The following CATSPERT variants were observed in gnomAD, a reference collection of about 807,000 sequenced individuals.
CATSPERT encodes the protein catsper channel auxiliary subunit tau, also known as cation channel sperm-associated targeting subunit tau.
At chr2:201,576,058 G>A in the CATSPERT span, among the ~76,000 whole-genome samples, 2 of 152,160 alleles carry the variant, frequency 1.3e-5, no homozygotes. Context: ...TTTTTATTAT[G>A]TTGTAGACAA....
the CATSPERT span, chr2:201,604,791 G>A: frequency 1.1e-6 from 1 of 889,724 alleles, no homozygotes; most frequent in Non-Finnish European, 1.7e-6. Context: ...TCTCTAGTAA[G>A]TGTCAGGTCT....
At chr2:201,506,917 T>C in the CATSPERT span, among the ~76,000 whole-genome samples, 16 of 152,332 alleles carry the variant, frequency 1.1e-4, no homozygotes, top group South Asian at 3.3e-3. Context: ...ATTAAAAAAG[T>C]GCTTTCCTAC....
chr2:201,517,642 G>T, the CATSPERT span, among the ~76,000 whole-genome samples: 2 of 152,246 alleles, frequency 1.3e-5, no homozygotes, highest in African/African-American at 4.8e-5. Flanking sequence ...AGAGGGCAGA[G>T]TGGGGGCCAA....
chr2:201,494,786 A>G, the CATSPERT span: 1 of 1,467,150 alleles, frequency 6.8e-7, no homozygotes, highest in South Asian at 1.4e-5. Context: ...AAGGTAAGAC[A>G]TTTGGTAGCA....
At chr2:201,598,066 G>A in the CATSPERT span, among the ~76,000 whole-genome samples, 1 of 152,114 alleles carries the variant, frequency 6.6e-6, no homozygotes, top group Non-Finnish European at 1.5e-5. Flanking sequence ...ACTCCCGCCT[G>A]TATTAATCAT....
At chr2:201,490,377 GA>G in the CATSPERT span, among the ~76,000 whole-genome samples, 3 of 151,914 alleles carry the variant, frequency 2.0e-5, no homozygotes, top group Admixed American at 6.6e-5. Flanking sequence ...TTCGCTATGT[GA>G]AAAAAAACCT....
At chr2:201,611,778 A>G in the CATSPERT span, among the ~76,000 whole-genome samples, 13 of 152,218 alleles carry the variant, frequency 8.5e-5, no homozygotes, top group Admixed American at 6.5e-5. Context: ...TAACAATTAA[A>G]GGATTTTTGA....
At chr2:201,588,420 A>C in the CATSPERT span, among the ~76,000 whole-genome samples, 3 of 151,858 alleles carry the variant, frequency 2.0e-5, no homozygotes, top group Non-Finnish European at 4.4e-5. Flanking sequence ...AGATGCAGAT[A>C]ATGCAGCTAT....
chr2:201,568,704 G>A, the CATSPERT span, among the ~76,000 whole-genome samples: 59 of 152,254 alleles, frequency 3.9e-4, 1 homozygote, highest in South Asian at 0.012. Context: ...CCCTGATGGT[G>A]GCACTAATCT....
At chr2:201,599,131 C>T in the CATSPERT span, among the ~76,000 whole-genome samples, 1 of 152,092 alleles carries the variant, frequency 6.6e-6, no homozygotes, top group Non-Finnish European at 1.5e-5. Context: ...AGTGGTGTGT[C>T]ATGTCCCCTA....
the CATSPERT span, among the ~76,000 whole-genome samples, chr2:201,547,327 A>T: frequency 6.6e-6 from 1 of 152,124 alleles, no homozygotes; most frequent in Non-Finnish European, 1.5e-5. Flanking sequence ...AAACCCTATA[A>T]ATTATCAATA....
At chr2:201,565,906 T>C in the CATSPERT span, 7 of 1,545,490 alleles carry the variant, frequency 4.5e-6, no homozygotes, top group African/African-American at 9.7e-5. Flanking sequence ...ATATTGAAAT[T>C]ATACAAAAGT....
chr2:201,570,714 T>A, the CATSPERT span, among the ~76,000 whole-genome samples: 1 of 152,060 alleles, frequency 6.6e-6, no homozygotes, highest in Non-Finnish European at 1.5e-5. Flanking sequence ...CCCTCATTGC[T>A]CTCCTCCTTG....
At chr2:201,559,930 C>A in the CATSPERT span, among the ~76,000 whole-genome samples, 2 of 151,772 alleles carry the variant, frequency 1.3e-5, no homozygotes, top group African/African-American at 4.8e-5. Flanking sequence ...TAACAGACCC[C>A]GATCATAAGG....
the CATSPERT span, among the ~76,000 whole-genome samples, chr2:201,551,884 G>A: frequency 4.0e-5 from 6 of 150,326 alleles, no homozygotes; most frequent in Non-Finnish European, 8.9e-5. Context: ...CTTCAGCCTG[G>A]CCAACAAGAG....
At chr2:201,593,440 G>GA in the CATSPERT span, among the ~76,000 whole-genome samples, 7 of 151,340 alleles carry the variant, frequency 4.6e-5, no homozygotes, top group South Asian at 8.5e-4. Context: ...TTACGGTGCT[G>GA]AAAAAAATGT....
the CATSPERT span, among the ~76,000 whole-genome samples, chr2:201,548,098 C>T: frequency 2.6e-5 from 4 of 151,996 alleles, no homozygotes; most frequent in South Asian, 4.2e-4. Context: ...TTGTGCACAA[C>T]GTGCAGGTTT....
the CATSPERT span, among the ~76,000 whole-genome samples, chr2:201,525,167 T>A: frequency 6.6e-6 from 1 of 152,206 alleles, no homozygotes; most frequent in Non-Finnish European, 1.5e-5. Flanking sequence ...TACATTCTTC[T>A]CATGTGCATG....
chr2:201,540,428 A>G, the CATSPERT span, among the ~76,000 whole-genome samples: 1 of 152,214 alleles, frequency 6.6e-6, no homozygotes, highest in East Asian at 1.9e-4. Flanking sequence ...CTCTTGTTAG[A>G]GGCTAATGTA....
Sources: allele counts gnomAD v4.1 joint callset (sites outside exome capture counted in the v4.1 genomes callset), GRCh38; gene constraint gnomAD v4.1.1; transcripts MANE v1.5; gene names NCBI Gene and HGNC (gene_info 2026-07-23, HGNC 2026-07-21).